The following NELL1 variants were observed in gnomAD, a reference collection of about 807,000 sequenced individuals.
The protein encoded by NELL1 is protein kinase C-binding protein NELL1.
A neutral mutation model predicts 107.4 loss-of-function variants in NELL1; 76 were observed. The observed-to-expected ratio is 0.71, with a 90% CI of 0.59 to 0.86. The LOEUF (loss-of-function observed/expected upper bound fraction) is 0.86, where lower values mean the gene tolerates loss of function less well. Among genes scored for constraint, NELL1 ranks in the 40% least tolerant of loss-of-function variants. NELL1 has a pLI of 0.00. For missense variants in NELL1, 1,024 were observed against 1,005.5 expected (o/e 1.02, Z -0.25); for synonymous variants, 353 against 341.2 (o/e 1.03, Z -0.38).
chr11:20,963,297 C>A (rs1252489281), intron 12 of NELL1, among the ~76,000 whole-genome samples: 1 of 152,096 alleles, frequency 6.6e-6, no homozygotes, highest in African/African-American at 2.4e-5. Flanking sequence ...CAGAAGACTT[C>A]CCCTGTGTTA....
At chr11:21,545,139 G>A (rs77319574) in intron 16 of NELL1, among the ~76,000 whole-genome samples, 1,854 of 152,092 alleles carry the variant, frequency 0.012, 40 homozygotes, top group East Asian at 0.078. Flanking sequence ...CAGTCATAAT[G>A]TTTTTGACAA....
intron 2 of NELL1, among the ~76,000 whole-genome samples, chr11:20,693,127 TC>T (rs1388727220): frequency 6.6e-6 from 1 of 151,928 alleles, no homozygotes; most frequent in Non-Finnish European, 1.5e-5. Context: ...TTTTTTGTTT[TC>T]CATTTGCTTG....
rs921787031 is a variant in NELL1, at chr11:21,016,892, C to T, written c.1300+56332C>T. On this transcript the variant is annotated intron_variant, in intron 12 of 19. Transcript: ENST00000357134. ...AAAATTGGTAAGCATTGTAATATGA[C>T]TGCAAAGTCCAAAATCCTGGCTCCA... Among the ~76,000 whole-genome samples the T allele has an allele frequency of 2.0e-5, 3 of 152,066 alleles. No individual in the cohort carries two copies. The South Asian group carries it at 6.2e-4, about 31-fold the overall frequency.
chr11:21,513,336 T>C (rs1476585952), intron 15 of NELL1, among the ~76,000 whole-genome samples: 1 of 152,186 alleles, frequency 6.6e-6, no homozygotes, highest in African/African-American at 2.4e-5. Flanking sequence ...AAAAATAATA[T>C]GGATTTGCTC....
chr11:21,575,495 T>C lies in NELL1; in HGVS notation c.*473T>C, dbSNP rs951202103. On this transcript the variant is annotated 3_prime_UTR_variant, in exon 20 of 20. Transcript: ENST00000357134. ...ACTGCATACTTAGTGCTGAGATCCC[T>C]GTAAAATGTTTTGATGAAAATATGT... The C allele has an allele frequency of 1.9e-5, 3 of 157,876 alleles. No individual in the cohort carries two copies. Among genetic ancestry groups the C allele is most frequent in the Admixed American group, 1.9e-4 (3 of 16,184 alleles). 9.8% of individuals were successfully genotyped at this position (157,876 alleles called of 1,614,324 possible). A position where few individuals can be genotyped will look rare whatever the true frequency, so the allele number is the denominator to read the frequency against.
intron 3 of NELL1, among the ~76,000 whole-genome samples, chr11:20,820,803 C>A (rs1035537841): frequency 1.3e-5 from 2 of 152,166 alleles, no homozygotes; most frequent in African/African-American, 4.8e-5. Flanking sequence ...ATTAGAGAGC[C>A]TTCCTTGATA....
chr11:21,232,147 T>TAAAAAAAAAATA (rs1858069900), intron 14 of NELL1, among the ~76,000 whole-genome samples: 2 of 90,520 alleles, frequency 2.2e-5, no homozygotes, highest in Admixed American at 1.2e-4. Context: ...TAAAAAAAAA[T>TAAAAAAAAAATA]AAAAAAAAAA....
At chr11:20,755,563 T>TTTTTTATTTATTTA in intron 2 of NELL1, among the ~76,000 whole-genome samples, 1 of 19,112 alleles carries the variant, frequency 5.2e-5, no homozygotes, top group East Asian at 1.6e-3. Flanking sequence ...TTTGTTTTTG[T>TTTTTTATTTATTTA]TTTTTTTTTT....
chr11:20,990,518 T>C (rs939386269), intron 12 of NELL1, among the ~76,000 whole-genome samples: 1 of 152,200 alleles, frequency 6.6e-6, no homozygotes, highest in African/African-American at 2.4e-5. Context: ...TTTCTGCCAT[T>C]TTTCTCCAGC....
At chr11:21,409,584 TAATAA>T (rs1466759671) in intron 15 of NELL1, among the ~76,000 whole-genome samples, 2 of 151,506 alleles carry the variant, frequency 1.3e-5, no homozygotes, top group South Asian at 2.1e-4. Context: ...AGTATAATAA[TAATAA>T]AATAAAAAAT....
intron 16 of NELL1, among the ~76,000 whole-genome samples, chr11:21,553,179 G>C (rs1230693434): frequency 6.6e-6 from 1 of 151,852 alleles, no homozygotes; most frequent in Admixed American, 6.6e-5. Flanking sequence ...TTCCTCATCT[G>C]AGAACTTGCT....
intron 14 of NELL1, among the ~76,000 whole-genome samples, chr11:21,292,739 C>G (rs1213785973): frequency 6.6e-6 from 1 of 152,046 alleles, no homozygotes; most frequent in African/African-American, 2.4e-5. Flanking sequence ...GATATATAGA[C>G]CAATGGAACA....
intron 15 of NELL1, among the ~76,000 whole-genome samples, chr11:21,450,812 T>A (rs562595816): frequency 2.0e-5 from 3 of 151,962 alleles, no homozygotes; most frequent in Admixed American, 6.6e-5. Context: ...AATATAATAT[T>A]TTTTTCTGTT....
intron 14 of NELL1, among the ~76,000 whole-genome samples, chr11:21,308,855 T>C (rs1172461457): frequency 2.0e-5 from 3 of 151,976 alleles, no homozygotes. Flanking sequence ...TCAAACATGT[T>C]CCTTTTGATC....
chr11:21,378,283 A>AT (rs1851526841), intron 15 of NELL1, among the ~76,000 whole-genome samples: 9 of 144,414 alleles, frequency 6.2e-5, no homozygotes, highest in Admixed American at 1.4e-4. Flanking sequence ...ATATATATAT[A>AT]TATTATAGAT....
chr11:21,271,171 G>A (rs567213183), intron 14 of NELL1, among the ~76,000 whole-genome samples: 89 of 151,870 alleles, frequency 5.9e-4, no homozygotes, highest in Non-Finnish European at 1.1e-3. Flanking sequence ...ATTGAAAACA[G>A]GAAATCAATA....
At chr11:21,512,776 C>T (rs1855470104) in intron 15 of NELL1, among the ~76,000 whole-genome samples, 1 of 151,810 alleles carries the variant, frequency 6.6e-6, no homozygotes, top group Non-Finnish European at 1.5e-5. Context: ...AAAATGCCAT[C>T]CCAAATTGTG....
chr11:20,940,984 C>T (rs565610217), intron 10 of NELL1, among the ~76,000 whole-genome samples: 2 of 152,098 alleles, frequency 1.3e-5, no homozygotes, highest in African/African-American at 4.8e-5. Flanking sequence ...CCCAAAAATA[C>T]AAAAATTAGC....
intron 13 of NELL1, among the ~76,000 whole-genome samples, chr11:21,218,412 A>G (rs1384825209): frequency 6.6e-6 from 1 of 152,190 alleles, no homozygotes; most frequent in African/African-American, 2.4e-5. Flanking sequence ...ATTTAAATAC[A>G]TGAATACAAT....
Sources: gnomAD v4.1 joint callset for allele counts (sites outside exome capture counted in the v4.1 genomes callset) on GRCh38, gnomAD v4.1.1 for gene constraint, MANE v1.5 for transcripts, NCBI Gene and HGNC (gene_info 2026-07-23, HGNC 2026-07-21) for gene names.